PAM: variants seen among roughly 807,000 people sequenced by gnomAD.
PAM encodes peptidyl-glycine alpha-amidating monooxygenase.
PAM carries 72 observed loss-of-function variants against 122.1 expected under a neutral mutation model. The observed-to-expected ratio is 0.59, with a 90% CI of 0.49 to 0.72. PAM has a LOEUF of 0.72. PAM is among the 30% of genes least tolerant of loss of function. The pLI, the probability that PAM is intolerant of heterozygous loss-of-function variation, is 0.00. For missense variants in PAM, 1,106 were observed against 1,183.7 expected (o/e 0.93, Z 0.96); for synonymous variants, 389 against 404.4 (o/e 0.96, Z 0.46).
At position 103,003,140 on chromosome 5, in the gene PAM, G is replaced by GA. The variant is rs760406279; in HGVS notation, c.1727dup (p.Asn576LysfsTer13). ...AATGCTGCAGTACTCCAGTCCAGTG[G>GA]AAAAAATCTGTGAGTTAAATGACTT... On this transcript the variant is annotated frameshift_variant, in exon 17 of 26. Coordinates refer to ENST00000438793, the MANE Select transcript of PAM (RefSeq NM_001177306.2). LOFTEE classifies it high-confidence loss of function. The GA allele has an allele frequency of 3.5e-6, 5 of 1,424,104 alleles. No individual in the cohort carries two copies. The highest frequency in any genetic ancestry group is 5.0e-6 in the Non-Finnish European group (5 of 1,006,558). The allele number at this position is 1,424,104 out of a possible 1,614,324, so 88.2% of individuals were successfully genotyped here.
chr5:103,028,578 T>C (rs1317008434), intron 25 of PAM, among the ~76,000 whole-genome samples: 6 of 152,200 alleles, frequency 3.9e-5, no homozygotes, highest in African/African-American at 7.2e-5. Context: ...CTTAAAGTCA[T>C]TGAAATGAGG....
chr5:102,895,059 A>G (rs902971378), intron 3 of PAM, among the ~76,000 whole-genome samples: 3 of 151,726 alleles, frequency 2.0e-5, no homozygotes, highest in South Asian at 2.1e-4. Flanking sequence ...AAATTCTTAA[A>G]TGAACTACAG....
chr5:102,835,100 G>GTAA (rs969153745), intron 1 of PAM, among the ~76,000 whole-genome samples: 3 of 151,780 alleles, frequency 2.0e-5, no homozygotes, highest in East Asian at 1.9e-4. Flanking sequence ...GTCATTACTG[G>GTAA]TAATAATAAT....
intron 16 of PAM, among the ~76,000 whole-genome samples, chr5:102,992,027 A>G (rs1428030008): frequency 6.6e-6 from 1 of 152,130 alleles, no homozygotes; most frequent in Non-Finnish European, 1.5e-5. Flanking sequence ...AGTAAACAGC[A>G]GAGACTGGAA....
intron 5 of PAM, among the ~76,000 whole-genome samples, chr5:102,924,005 C>T (rs1179914133): frequency 2.0e-5 from 3 of 151,894 alleles, no homozygotes; most frequent in East Asian, 1.9e-4. Context: ...CCCTGTTTTC[C>T]GTGAGAGAAA....
At chr5:102,913,173 A>C (rs1485687720) in intron 4 of PAM, among the ~76,000 whole-genome samples, 2 of 151,992 alleles carry the variant, frequency 1.3e-5, no homozygotes, top group African/African-American at 4.8e-5. Flanking sequence ...TTTGATGAGA[A>C]CGCAAAAGGA....
At chr5:102,847,074 G>T (rs1780126455) in intron 1 of PAM, among the ~76,000 whole-genome samples, 1 of 152,098 alleles carries the variant, frequency 6.6e-6, no homozygotes, top group African/African-American at 2.4e-5. Flanking sequence ...CTTAGAAGTA[G>T]ACCATCTTTT....
chr5:102,886,258 A>G (rs531312711), intron 3 of PAM, among the ~76,000 whole-genome samples: 109 of 152,190 alleles, frequency 7.2e-4, no homozygotes, highest in South Asian at 1.5e-3. Flanking sequence ...TGTGGAAGTC[A>G]GTTCCAGAAA....
intron 1 of PAM, among the ~76,000 whole-genome samples, chr5:102,768,755 G>T (rs969415034): frequency 6.6e-6 from 1 of 152,118 alleles, no homozygotes; most frequent in Non-Finnish European, 1.5e-5. Flanking sequence ...GGATACTTAG[G>T]TTGTTTCCAA....
chr5:103,014,569 C>T (rs1781480743), intron 21 of PAM, among the ~76,000 whole-genome samples: 1 of 152,186 alleles, frequency 6.6e-6, no homozygotes, highest in Admixed American at 6.5e-5. Flanking sequence ...GGTCTGTTGA[C>T]TCCTGTGTAA....
At chr5:102,842,222 A>ATATATATATATG (rs1442964310) in intron 1 of PAM, among the ~76,000 whole-genome samples, 3 of 151,518 alleles carry the variant, frequency 2.0e-5, no homozygotes, top group Admixed American at 6.6e-5. Context: ...ATATATATAT[A>ATATATATATATG]TATATCTCCA....
intron 7 of PAM, among the ~76,000 whole-genome samples, chr5:102,944,986 A>C (rs568277597): frequency 3.4e-4 from 51 of 152,228 alleles, no homozygotes; most frequent in African/African-American, 1.2e-3. Context: ...TTCTTTCATT[A>C]AAGAAATTTC....
intron 16 of PAM, among the ~76,000 whole-genome samples, chr5:103,002,013 CACAT>C (rs1474193676): frequency 6.6e-6 from 1 of 151,894 alleles, no homozygotes; most frequent in African/African-American, 2.4e-5. Context: ...TAAACACACA[CACAT>C]ACACACCCAC....
chr5:103,007,439 C>CTTTTTTTTT lies in PAM; in HGVS notation c.2015-10_2015-9insTTTTTTTTT. On this transcript the variant is annotated splice_polypyrimidine_tract_variant and intron_variant, in intron 19 of 25. Transcript: ENST00000438793. ...GATTTTTAACATTGTGTATCTAAGG[C>CTTTTTTTTT]TTTTTTTTGTTCTGCAGAGTCTTCA... The CTTTTTTTTT allele has an allele frequency of 6.2e-7, 1 of 1,603,328 alleles. No individual in the cohort carries two copies. The highest frequency in any genetic ancestry group is 1.7e-5 in the Admixed American group (1 of 59,622).
chr5:102,924,860 GT>G, intron 5 of PAM, 96 bp from the exon 6 acceptor site: 1 of 718,454 alleles, frequency 1.4e-6, no homozygotes, highest in East Asian at 2.5e-5. Context: ...ATGTACTTTG[GT>G]TTCAAATACC....
intron 3 of PAM, among the ~76,000 whole-genome samples, chr5:102,876,137 CTTTA>C (rs1789130437): frequency 6.6e-6 from 1 of 152,126 alleles, no homozygotes; most frequent in Admixed American, 6.5e-5. Flanking sequence ...ACACTAGAGT[CTTTA>C]TTTATGGTTC....
intron 1 of PAM, among the ~76,000 whole-genome samples, chr5:102,784,733 C>T (rs571089794): frequency 1.3e-5 from 2 of 152,264 alleles, no homozygotes; most frequent in South Asian, 2.1e-4. Flanking sequence ...CAGTCACTGG[C>T]GGGCATTTAC....
chr5:102,805,373 T>C (rs1765951732), intron 1 of PAM, among the ~76,000 whole-genome samples: 7 of 152,200 alleles, frequency 4.6e-5, no homozygotes, highest in Admixed American at 4.6e-4. Context: ...TGGCCCCTCA[T>C]CTTCCCTTCT....
intron 1 of PAM, among the ~76,000 whole-genome samples, chr5:102,831,527 T>C (rs930904288): frequency 3.3e-5 from 5 of 152,106 alleles, no homozygotes; most frequent in African/African-American, 1.2e-4. Context: ...GAATTATTTA[T>C]AGGTAACTGC....
Sources: allele counts gnomAD v4.1 joint callset (sites outside exome capture counted in the v4.1 genomes callset), GRCh38; gene constraint gnomAD v4.1.1; transcripts MANE v1.5; gene names NCBI Gene and HGNC (gene_info 2026-07-23, HGNC 2026-07-21).